Variants in ARMC3 observed in about 807,000 individuals in gnomAD.
The protein encoded by ARMC3 is armadillo repeat-containing protein 3.
Under a neutral mutation model 90.3 loss-of-function variants are expected in ARMC3, and 74 were observed. That is an observed-to-expected ratio of 0.82 (90% confidence interval 0.68 to 0.99). The LOEUF (loss-of-function observed/expected upper bound fraction) is 0.99. Ranked by LOEUF, ARMC3 falls within the 50% of genes least tolerant of loss-of-function variation. The pLI is 0.00. For synonymous variants in ARMC3, 334 were observed against 361.8 expected (o/e 0.92, Z 0.87); for missense variants, 958 against 1,042.8 (o/e 0.92, Z 1.12).
In ARMC3 at chr10:23,033,034, T is replaced by C; in HGVS notation, c.2409+11T>C. On this transcript the variant is annotated intron_variant, in intron 18 of 18. Transcript: ENST00000298032. ...GCTTTGCTTTTCAAGGTGTGTAAGG[T>C]ATTTTGCCTCATTTGCCATTAAGTA... is the stretch of plus-strand genomic sequence containing the variant. The C allele has an allele frequency of 6.2e-7, 1 of 1,609,620 alleles. No homozygotes were observed. Among genetic ancestry groups the C allele is most frequent in the Non-Finnish European group, 8.5e-7 (1 of 1,178,452 alleles).
At chr10:23,004,930 AG>A (rs894893281) in intron 13 of ARMC3, among the ~76,000 whole-genome samples, 1 of 152,114 alleles carries the variant, frequency 6.6e-6, no homozygotes, top group Admixed American at 6.5e-5. Context: ...GAAAACCAAG[AG>A]GGGGGCCGGG....
chr10:22,965,686 G>A (rs1835411845), intron 7 of ARMC3, among the ~76,000 whole-genome samples: 2 of 152,112 alleles, frequency 1.3e-5, no homozygotes, highest in East Asian at 1.9e-4. Context: ...ATATTTTACA[G>A]GACTCTAAGG....
At position 22,932,143 on chromosome 10, in the gene ARMC3, C is replaced by T. The variant is rs185855339; in HGVS notation, c.48+99C>T. 5.2e-5 allele frequency: 49 copies of T among 934,786 alleles called. No individual in the cohort carries two copies. The East Asian group carries it at 5.7e-4, about 11-fold the overall frequency. 57.9% of individuals were successfully genotyped at this position (934,786 alleles called of 1,614,324 possible). On this transcript the variant is annotated intron_variant, in intron 2 of 18. Coordinates refer to ENST00000298032, the MANE Select transcript of ARMC3 (RefSeq NM_173081.5). ...ATGTACCAGTATATACATGAATACGCGGTGGCAGAAGTCCAAAGTCTGACT... is the reference window on the plus strand; with the variant it reads ...ATGTACCAGTATATACATGAATACGTGGTGGCAGAAGTCCAAAGTCTGACT...
At chr10:22,953,849 G>C (rs1834822773) in intron 3 of ARMC3, among the ~76,000 whole-genome samples, 1 of 152,164 alleles carries the variant, frequency 6.6e-6, no homozygotes, top group Non-Finnish European at 1.5e-5. Flanking sequence ...TCATATTGTA[G>C]CATTTCTTTT....
At chr10:22,986,752 A>G (rs1276134806) in intron 10 of ARMC3, among the ~76,000 whole-genome samples, 1 of 152,174 alleles carries the variant, frequency 6.6e-6, no homozygotes, top group African/African-American at 2.4e-5. Context: ...CTTGGAAAAC[A>G]GAAGCAACAG....
chr10:22,996,397 G>A (rs865832028), intron 10 of ARMC3, among the ~76,000 whole-genome samples: 4 of 152,118 alleles, frequency 2.6e-5, no homozygotes, highest in Admixed American at 1.3e-4. Flanking sequence ...GAGTGATATA[G>A]GGCCTTTGGA....
At position 22,931,996 on chromosome 10, in the gene ARMC3, G is replaced by T; in HGVS notation, c.-1G>T. The T allele has an allele frequency of 6.2e-7, 1 of 1,604,824 alleles. No individual in the cohort carries two copies. Among genetic ancestry groups the T allele is most frequent in the Admixed American group, 1.7e-5 (1 of 57,418 alleles). Reference sequence around the variant, plus strand: ...AACCATATATTGCATCTTTTTCCAGGATGGGTAAAAAGATAAAGAAGGAAG... The same window carrying T: ...AACCATATATTGCATCTTTTTCCAGTATGGGTAAAAAGATAAAGAAGGAAG... On this transcript the variant is annotated splice_region_variant and 5_prime_UTR_variant, in exon 2 of 19. Transcript: ENST00000298032.
At chr10:23,014,438 C>G (rs764984517) in intron 16 of ARMC3, 4 of 1,088,784 alleles carry the variant, frequency 3.7e-6, no homozygotes, top group Non-Finnish European at 4.5e-6. Context: ...ACTATTAAAA[C>G]TTTGGACTCC....
At chr10:22,983,199 G>GAAT (rs1345345423) in intron 10 of ARMC3, among the ~76,000 whole-genome samples, 60 of 152,266 alleles carry the variant, frequency 3.9e-4, no homozygotes, top group African/African-American at 1.4e-3. Flanking sequence ...ATATGATCTA[G>GAAT]AATACTTTTA....
At chr10:22,936,561 T>C (rs1834121163) in intron 2 of ARMC3, among the ~76,000 whole-genome samples, 1 of 152,228 alleles carries the variant, frequency 6.6e-6, no homozygotes, top group South Asian at 2.1e-4. Context: ...TCTTTCATTC[T>C]TTTTGTAAAT....
chr10:22,959,300 G>T (rs1028679897), intron 5 of ARMC3, 99 bp from the exon 6 acceptor site: 2 of 1,371,742 alleles, frequency 1.5e-6, no homozygotes, highest in African/African-American at 2.9e-5. Context: ...CTTTAAGCAA[G>T]ATACAATTTG....
At chr10:23,010,544 G>GTCC (rs1554785046) in intron 16 of ARMC3, among the ~76,000 whole-genome samples, 1 of 73,806 alleles carries the variant, frequency 1.4e-5, no homozygotes, top group Non-Finnish European at 2.4e-5. Context: ...TCCCTTCCCT[G>GTCC]TTCTCTTCTT....
At chr10:22,990,166 C>T (rs201789440) in intron 10 of ARMC3, among the ~76,000 whole-genome samples, 2 of 27,100 alleles carry the variant, frequency 7.4e-5, no homozygotes, top group Admixed American at 3.7e-4. Context: ...TGTGTGATTT[C>T]CCCCCCCCAC....
intron 10 of ARMC3, among the ~76,000 whole-genome samples, chr10:22,988,918 G>T (rs16922884): frequency 0.011 from 1,697 of 152,320 alleles, 37 homozygotes; most frequent in African/African-American, 0.039. Context: ...CATGAAAAAT[G>T]CAAGTTCGTG....
chr10:23,003,933 A>G (rs1286468304), intron 13 of ARMC3, among the ~76,000 whole-genome samples: 1 of 152,136 alleles, frequency 6.6e-6, no homozygotes, highest in Non-Finnish European at 1.5e-5. Flanking sequence ...GAATCACTTG[A>G]GGCAGGAGTT....
At chr10:22,946,458 T>A (rs987927457) in intron 3 of ARMC3, 197 bp downstream of exon 3, 30 of 405,098 alleles carry the variant, frequency 7.4e-5, no homozygotes, top group African/African-American at 5.4e-4. Context: ...AGGAGTAATT[T>A]AGTCACTGGG....
At chr10:22,959,258 C>A in intron 5 of ARMC3, 120 bp downstream of exon 5, 2 of 1,316,232 alleles carry the variant, frequency 1.5e-6, no homozygotes, top group Non-Finnish European at 2.1e-6. Context: ...TCTCAAACCA[C>A]AGCTCAATTT....
chr10:23,033,029 T>C lies in ARMC3; in HGVS notation c.2409+6T>C. The C allele has an allele frequency of 1.2e-6, 2 of 1,611,542 alleles. No individual in the cohort carries two copies. Among genetic ancestry groups the C allele is most frequent in the Non-Finnish European group, 1.7e-6 (2 of 1,178,782 alleles). On this transcript the variant is annotated splice_donor_region_variant and intron_variant, in intron 18 of 18. Transcript: ENST00000298032. ...ATCGAGCTTTGCTTTTCAAGGTGTG[T>C]AAGGTATTTTGCCTCATTTGCCATT...
chr10:22,966,966 G>A (rs1156970859), intron 7 of ARMC3, among the ~76,000 whole-genome samples: 1 of 144,872 alleles, frequency 6.9e-6, no homozygotes, highest in Non-Finnish European at 1.5e-5. Flanking sequence ...AGGACACAGA[G>A]CCAAACCATA....
Sources: allele counts gnomAD v4.1 joint callset (sites outside exome capture counted in the v4.1 genomes callset), GRCh38; gene constraint gnomAD v4.1.1; transcripts MANE v1.5; gene names NCBI Gene and HGNC (gene_info 2026-07-23, HGNC 2026-07-21).